Variants in NEBL observed in about 807,000 individuals in gnomAD.
The protein encoded by NEBL is nebulette, also known as LIM and SH3 protein 2.
NEBL carries 122 observed loss-of-function variants against 140.2 expected under a neutral mutation model. The ratio of observed to expected loss-of-function variants is 0.87; its 90% CI spans 0.75 to 1.01. NEBL has a LOEUF of 1.01. NEBL is among the 50% of genes least tolerant of loss of function. The pLI, the probability that NEBL is intolerant of heterozygous loss-of-function variation, is 0.00. For synonymous variants in NEBL, 436 were observed against 398.9 expected (o/e 1.09, Z -1.11); for missense variants, 1,365 against 1,231.3 (o/e 1.11, Z -1.62).
At chr10:20,909,355 T>A (rs753195029) in intron 4 of NEBL, among the ~76,000 whole-genome samples, 5 of 152,030 alleles carry the variant, frequency 3.3e-5, no homozygotes, top group Non-Finnish European at 5.9e-5. Context: ...ATGAGCTCAA[T>A]TCTTTTGATT....
intron 1 of NEBL, among the ~76,000 whole-genome samples, chr10:21,276,653 C>G (rs1213188288): frequency 1.3e-5 from 2 of 152,036 alleles, no homozygotes; most frequent in Non-Finnish European, 2.9e-5. Context: ...TGTCAAAACC[C>G]CATCTCTACA....
At chr10:21,011,488 T>C (rs1016780400) in intron 3 of NEBL, among the ~76,000 whole-genome samples, 1 of 152,236 alleles carries the variant, frequency 6.6e-6, no homozygotes, top group Non-Finnish European at 1.5e-5. Flanking sequence ...TCCTGCTTCC[T>C]GGTTCCCCTC....
chr10:21,007,611 A>T (rs1022502293), intron 3 of NEBL, among the ~76,000 whole-genome samples: 1 of 152,210 alleles, frequency 6.6e-6, no homozygotes, highest in Non-Finnish European at 1.5e-5. Flanking sequence ...TAGTGTGGTT[A>T]TTTATTAGTA....
chr10:20,814,116 G>A lies in NEBL; in HGVS notation c.2242-73C>T. On this transcript the variant is annotated intron_variant, in intron 22 of 27. Coordinates refer to ENST00000377122, the MANE Select transcript of NEBL (RefSeq NM_006393.3). ...TGTAACATTTTTAAGCTTTACAAAT[G>A]AGTGAAACATATGCAACATACTTGA... 1.2e-5 allele frequency: 11 copies of A among 927,968 alleles called. No homozygotes were observed. The South Asian group carries it at 1.3e-4, about 11-fold the overall frequency. The allele number at this position is 927,968 out of a possible 1,614,324, so 57.5% of individuals were successfully genotyped here.
chr10:20,859,721 C>G lies in NEBL; in HGVS notation c.790G>C (p.Ala264Pro). The change falls in exon 8 of 28, where the codon GCG becomes CCG. Residue 264 changes from alanine (A) to proline (P), a missense_variant. Transcript: ENST00000377122. ...TATGAATTACAACTTACATTGCTCG[C>G]CAGTGTAGCAGCAAGCTGATTCTGC... ...FRQNQLAATL[A>P]SNVKYKKDIQ... 6.3e-7 allele frequency: 1 copy of G among 1,581,820 alleles called. No individual in the cohort carries two copies. Among genetic ancestry groups the G allele is most frequent in the Non-Finnish European group, 8.7e-7 (1 of 1,152,226 alleles).
At chr10:21,204,888 G>A (rs1012700811) in intron 3 of NEBL, among the ~76,000 whole-genome samples, 1 of 152,204 alleles carries the variant, frequency 6.6e-6, no homozygotes, top group African/African-American at 2.4e-5. Context: ...ATGACATTTA[G>A]CATTCTGGGG....
chr10:21,233,381 G>A (rs1277310257), intron 3 of NEBL, among the ~76,000 whole-genome samples: 1 of 151,854 alleles, frequency 6.6e-6, no homozygotes, highest in Non-Finnish European at 1.5e-5. Flanking sequence ...CCAAACTCTG[G>A]CACACTATTC....
At chr10:21,281,306 G>T (rs1842990224) in intron 1 of NEBL, among the ~76,000 whole-genome samples, 2 of 151,896 alleles carry the variant, frequency 1.3e-5, no homozygotes, top group African/African-American at 4.8e-5. Flanking sequence ...GCAAGCCCTT[G>T]TTTTTTGGTT....
intron 3 of NEBL, among the ~76,000 whole-genome samples, chr10:20,981,360 A>G (rs1398854647): frequency 6.6e-6 from 1 of 151,896 alleles, no homozygotes; most frequent in Non-Finnish European, 1.5e-5. Flanking sequence ...AAAATTATTT[A>G]TCTCACCCCC....
rs1842392741 is a variant in NEBL at position 20,850,430 on chromosome 10, G to T, written c.1081C>A (p.Gln361Lys). 1.2e-6 allele frequency: 2 copies of T among 1,611,618 alleles called. No individual in the cohort carries two copies. The highest frequency in any genetic ancestry group is 1.3e-5 in the African/African-American group (1 of 74,994). ...ATCTTTTGAGCCTCCTTTGAAGCTT[G>T]ATATGATGGTGTCTCAACAAATTCA... ...MLEFVETPSY[Q>K]ASKEAQKMQS... The change falls in exon 11 of 28, where the codon CAA (glutamine) becomes AAA (lysine). Residue 361 changes from glutamine (Q) to lysine (K), a missense_variant. Coordinates refer to ENST00000377122, the MANE Select transcript of NEBL (RefSeq NM_006393.3).
intron 3 of NEBL, among the ~76,000 whole-genome samples, chr10:20,965,613 T>C (rs1490393644): frequency 6.6e-6 from 1 of 152,206 alleles, no homozygotes; most frequent in Non-Finnish European, 1.5e-5. Flanking sequence ...TTGGCTTTTC[T>C]TCCCTGTGGG....
chr10:20,852,534 C>A lies in NEBL; in HGVS notation c.1008+11G>T, dbSNP rs1301787886. 1 of 1,601,064 alleles carries A rather than the reference C, an allele frequency of 6.2e-7. No individual in the cohort carries two copies. The highest frequency in any genetic ancestry group is 1.3e-5 in the African/African-American group (1 of 74,660). The stretch of plus-strand genomic sequence containing the variant: ...GCAGGGAGGGTAGGTACCGTACGGG[C>A]AAGTGTGTACCTGACTTTGGAGGAC... On this transcript the variant is annotated intron_variant, in intron 10 of 27. Coordinates refer to ENST00000377122, the MANE Select transcript of NEBL (RefSeq NM_006393.3).
At chr10:20,849,414 A>T (rs1326410446) in intron 11 of NEBL, among the ~76,000 whole-genome samples, 1 of 152,086 alleles carries the variant, frequency 6.6e-6, no homozygotes, top group Admixed American at 6.5e-5. Context: ...TGTGTTGAAA[A>T]CTTCATCCCC....
intron 9 of NEBL, among the ~76,000 whole-genome samples, chr10:20,854,909 CT>C (rs1202067519): frequency 6.6e-6 from 1 of 152,006 alleles, no homozygotes; most frequent in Non-Finnish European, 1.5e-5. Flanking sequence ...TAAATTTTGG[CT>C]CCTCTAATGT....
intron 4 of NEBL, among the ~76,000 whole-genome samples, chr10:20,937,243 CACTGAGAAAGCTCGA>C (rs1834539412): frequency 6.6e-6 from 1 of 152,202 alleles, no homozygotes; most frequent in African/African-American, 2.4e-5. Context: ...TACCCATCTC[CACTGAGAAAGCTCGA>C]TTTCATATTT....
At chr10:21,038,369 A>G (rs2131823852) in intron 2 of NEBL, among the ~76,000 whole-genome samples, 1 of 152,154 alleles carries the variant, frequency 6.6e-6, no homozygotes, top group Non-Finnish European at 1.5e-5. Context: ...CTTTACTGCC[A>G]GCCCCTGGCA....
intron 24 of NEBL, 90 bp downstream of exon 24, chr10:20,812,679 A>T: frequency 6.8e-7 from 1 of 1,471,010 alleles, no homozygotes; most frequent in Non-Finnish European, 9.5e-7. Flanking sequence ...TGTGATGAGG[A>T]GTCAGATGAC....
chr10:21,025,986 A>G (rs948275603), intron 2 of NEBL, among the ~76,000 whole-genome samples: 1 of 152,198 alleles, frequency 6.6e-6, no homozygotes, highest in Non-Finnish European at 1.5e-5. Context: ...CTGCAAAGTA[A>G]TTTAACCTCT....
At chr10:21,053,435 T>G (rs1337791296) in intron 2 of NEBL, among the ~76,000 whole-genome samples, 1 of 152,232 alleles carries the variant, frequency 6.6e-6, no homozygotes, top group African/African-American at 2.4e-5. Flanking sequence ...TATCTATGAT[T>G]GTTTCTGAAG....
Sources: gnomAD v4.1 joint callset for allele counts (sites outside exome capture counted in the v4.1 genomes callset) on GRCh38, gnomAD v4.1.1 for gene constraint, MANE v1.5 for transcripts, NCBI Gene and HGNC (gene_info 2026-07-23, HGNC 2026-07-21) for gene names.